Variants in NLRP14 observed in about 807,000 individuals in gnomAD.
NLRP14 encodes NACHT, LRR and PYD domains-containing protein 14.
Under a neutral mutation model 94.7 loss-of-function variants are expected in NLRP14, and 105 were observed. That is an observed-to-expected ratio of 1.11 (90% confidence interval 0.95 to 1.30). The LOEUF is 1.30. Among genes scored for constraint, NLRP14 ranks in the 50% most tolerant of loss-of-function variants. The probability of loss-of-function intolerance (pLI) is 0.00; values close to 1 mark genes in which losing one functional copy is unlikely to be tolerated. For missense variants in NLRP14, 1,362 were observed against 1,254.1 expected, an observed-to-expected ratio of 1.09 and a Z score of -1.30; for synonymous variants, 508 against 459.9, an observed-to-expected ratio of 1.10 and a Z score of -1.34.
intron 1 of NLRP14, among the ~76,000 whole-genome samples, chr11:7,024,041 A>G (rs1216861867): frequency 1.3e-5 from 2 of 152,162 alleles, no homozygotes; most frequent in African/African-American, 4.8e-5. Context: ...CATATGAAAC[A>G]CAATGAAACA....
intron 1 of NLRP14, among the ~76,000 whole-genome samples, chr11:7,032,028 C>A (rs1050392958): frequency 6.6e-6 from 1 of 152,196 alleles, no homozygotes; most frequent in Non-Finnish European, 1.5e-5. Flanking sequence ...ATTGCCAACA[C>A]GCCAAATTCA....
downstream of NLRP14, among the ~76,000 whole-genome samples, chr11:7,075,874 C>A (rs7932116): frequency 0.59 from 89,131 of 152,076 alleles, 26,971 homozygotes; most frequent in East Asian, 0.78. Context: ...ATCTCCCCTC[C>A]TGCATGTCTA....
At chr11:7,026,911 T>C (rs1446789286) in intron 1 of NLRP14, among the ~76,000 whole-genome samples, 1 of 151,820 alleles carries the variant, frequency 6.6e-6, no homozygotes, top group Non-Finnish European at 1.5e-5. Context: ...TGTATACGTA[T>C]GTAACTAACC....
chr11:7,032,280 T>C (rs554309717), intron 1 of NLRP14, among the ~76,000 whole-genome samples: 1 of 152,350 alleles, frequency 6.6e-6, no homozygotes, highest in South Asian at 2.1e-4. Flanking sequence ...AATCTTCATA[T>C]ACCTGCCAAC....
intron 6 of NLRP14, among the ~76,000 whole-genome samples, chr11:7,056,515 C>A (rs201631751): frequency 9.0e-3 from 1,103 of 122,622 alleles, no homozygotes; most frequent in African/African-American, 9.7e-3. Context: ...AGCACTAATA[C>A]AAAAAAAAAA....
At chr11:7,063,214 C>G (rs1197620560) in intron 10 of NLRP14, among the ~76,000 whole-genome samples, 1 of 152,054 alleles carries the variant, frequency 6.6e-6, no homozygotes, top group Non-Finnish European at 1.5e-5. Context: ...TACTTACAAC[C>G]TAATAAATTC....
At chr11:7,089,120 C>G in the NLRP14 span, 13 of 1,613,584 alleles carry the variant, frequency 8.1e-6, no homozygotes, top group Admixed American at 1.7e-5. Flanking sequence ...GACCGGCAAA[C>G]ATGGTTGAAG....
At chr11:7,048,089 T>C (rs915655089) in intron 5 of NLRP14, among the ~76,000 whole-genome samples, 3 of 152,294 alleles carry the variant, frequency 2.0e-5, no homozygotes, top group Admixed American at 6.5e-5. Flanking sequence ...CAACAAAATG[T>C]CTTCTAAAAT....
downstream of NLRP14, among the ~76,000 whole-genome samples, chr11:7,072,843 G>C (rs749519152): frequency 2.0e-4 from 31 of 152,184 alleles, no homozygotes; most frequent in Admixed American, 3.3e-4. Flanking sequence ...CCTGGTGGCA[G>C]TTGTGGCCAC....
chr11:7,078,339 G>T, the NLRP14 span, among the ~76,000 whole-genome samples: 2 of 144,218 alleles, frequency 1.4e-5, no homozygotes, highest in Non-Finnish European at 3.0e-5. Flanking sequence ...TCAGGAGGCT[G>T]AGGCAGGAGA....
the NLRP14 span, among the ~76,000 whole-genome samples, chr11:7,088,866 AG>A: frequency 6.6e-6 from 1 of 152,350 alleles, no homozygotes; most frequent in South Asian, 2.1e-4. Flanking sequence ...TCAGGTGAAC[AG>A]GAAGTTAAAG....
At chr11:7,078,301 G>A in the NLRP14 span, among the ~76,000 whole-genome samples, 2 of 151,584 alleles carry the variant, frequency 1.3e-5, no homozygotes, top group Non-Finnish European at 2.9e-5. Context: ...AGCCGGGCAT[G>A]ATGGCGGGCA....
chr11:7,076,787 C>G, the NLRP14 span, among the ~76,000 whole-genome samples: 1 of 152,170 alleles, frequency 6.6e-6, no homozygotes, highest in African/African-American at 2.4e-5. Flanking sequence ...AAACCATGAG[C>G]CTTTTCTTCA....
In NLRP14 at chr11:7,070,382, T is replaced by C. The variant is rs1263886605; in HGVS notation, c.3072T>C (p.Asn1024=). ...TGATAAAAATGAATCTGACACAGAATACCTTAGGATATGAAGGAATTGTGA... is the reference window on the plus strand; with the variant it reads ...TGATAAAAATGAATCTGACACAGAACACCTTAGGATATGAAGGAATTGTGA... ...KRLIKMNLTQ[N]TLGYEGIVKL... Residue 1024 remains asparagine (N), a synonymous_variant, in exon 11 of 12, where the codon AAT becomes AAC. Coordinates refer to ENST00000299481, the MANE Select transcript of NLRP14 (RefSeq NM_176822.4). 6 of 1,607,854 alleles carry C rather than the reference T, an allele frequency of 3.7e-6. No individual in the cohort carries two copies. Among genetic ancestry groups the C allele is most frequent in the Non-Finnish European group, 5.1e-6 (6 of 1,174,356 alleles).
At position 7,071,372 on chromosome 11, in the gene NLRP14, C is replaced by A; in HGVS notation, c.*64C>A. 1 of 1,403,910 alleles carries A rather than the reference C, an allele frequency of 7.1e-7. No homozygotes were observed. The highest frequency in any genetic ancestry group is 9.9e-7 in the Non-Finnish European group (1 of 1,011,328). The allele number at this position is 1,403,910 out of a possible 1,614,324, so 87.0% of individuals were successfully genotyped here. ...AATACATACATACATAGATATATAC[C>A]CAGACTTGGGTGCTTAGCTTCAGAT... On this transcript the variant is annotated 3_prime_UTR_variant, in exon 12 of 12. Coordinates refer to ENST00000299481, the MANE Select transcript of NLRP14 (RefSeq NM_176822.4).
In NLRP14 at chr11:7,039,649, C is replaced by G; in HGVS notation, c.290-65C>G. 2.3e-6 allele frequency: 3 copies of G among 1,279,584 alleles called. No individual in the cohort carries two copies. The South Asian group carries it at 3.6e-5, about 15-fold the overall frequency. The allele number at this position is 1,279,584 out of a possible 1,614,324, so 79.3% of individuals were successfully genotyped here. A position where few individuals can be genotyped will look rare whatever the true frequency, so the allele number is the denominator to read the frequency against. On this transcript the variant is annotated intron_variant, in intron 2 of 11. Coordinates refer to ENST00000299481, the MANE Select transcript of NLRP14 (RefSeq NM_176822.4). ...ACTTATGTGAATGCTGGCCTCTGTT[C>G]TAGCCATCATGAAAGCTCACTTTGT...
chr11:7,040,935 C>T (rs957035681), intron 3 of NLRP14, among the ~76,000 whole-genome samples: 1 of 152,088 alleles, frequency 6.6e-6, no homozygotes, highest in Non-Finnish European at 1.5e-5. Flanking sequence ...CTCTTATGTG[C>T]AGATAATTGC....
chr11:7,057,546 G>C, intron 6 of NLRP14, 131 bp from the exon 7 acceptor site: 2 of 814,276 alleles, frequency 2.5e-6, no homozygotes, highest in Non-Finnish European at 4.2e-6. Context: ...CTTTTTTTCT[G>C]TGTAGAGAAG....
At position 7,038,845 on chromosome 11, in the gene NLRP14, C is replaced by G; in HGVS notation, c.259C>G (p.Leu87Val). 1 of 1,613,428 alleles carries G rather than the reference C, an allele frequency of 6.2e-7. No homozygotes were observed. Among genetic ancestry groups the G allele is most frequent in the Non-Finnish European group, 8.5e-7 (1 of 1,179,868 alleles). The stretch of plus-strand genomic sequence containing the variant: ...CTTTGGCAAGATGAACCTGAAGGAT[C>G]TGTGTGAGAGAGCGAAAGAAGAGAT... ...KIFGKMNLKDLCERAKEEINW... is the reference protein window; with the variant it reads ...KIFGKMNLKDVCERAKEEINW... Residue 87 changes from leucine (L) to valine (V), a missense_variant, in exon 2 of 12, where the codon CTG (leucine) becomes GTG (valine). By Grantham distance (32) the Leu-to-Val change is conservative (BLOSUM62 1). Transcript: ENST00000299481.
Sources: allele counts gnomAD v4.1 joint callset (sites outside exome capture counted in the v4.1 genomes callset), GRCh38; gene constraint gnomAD v4.1.1; transcripts MANE v1.5; gene names NCBI Gene and HGNC (gene_info 2026-07-23, HGNC 2026-07-21).